Variants in CYB5A observed in about 807,000 individuals in gnomAD.
CYB5A encodes cytochrome b5.
Under a neutral mutation model 16.2 loss-of-function variants are expected in CYB5A, and 10 were observed. The ratio of observed to expected loss-of-function variants is 0.62; its 90% CI spans 0.38 to 1.04. The LOEUF is 1.04. CYB5A is among the 50% of genes least tolerant of loss of function. The pLI is 0.01. For missense variants in CYB5A, 161 were observed against 165.9 expected, an observed-to-expected ratio of 0.97 and a Z score of 0.16; for synonymous variants, 62 against 57.0, an observed-to-expected ratio of 1.09 and a Z score of -0.40.
intron 1 of CYB5A, among the ~76,000 whole-genome samples, chr18:74,272,921 G>A (rs1982726601): frequency 6.6e-6 from 1 of 152,080 alleles, no homozygotes; most frequent in South Asian, 2.1e-4. Flanking sequence ...AGACTCCATT[G>A]CAAAAACAAA....
chr18:74,255,600 A>G, intron 4 of CYB5A, 141 bp downstream of exon 4: 1 of 729,438 alleles, frequency 1.4e-6, no homozygotes, highest in Admixed American at 2.1e-5. Context: ...AGTGCTCTGA[A>G]CAGTCTGGCC....
Position 74,253,581 on chromosome 18 carries a change from T to C in CYB5A, c.*3A>G, listed in dbSNP as rs750477714. 4.4e-6 allele frequency: 7 copies of C among 1,606,504 alleles called. No homozygotes were observed. Among genetic ancestry groups the C allele is most frequent in the Middle Eastern group, 1.7e-4 (1 of 5,936 alleles). ...CTTCCTGCGCTGACTTCTGAGGAGGTGTTCAGTCCTCTGCCATGTATAGGC... is the reference window on the plus strand; with the variant it reads ...CTTCCTGCGCTGACTTCTGAGGAGGCGTTCAGTCCTCTGCCATGTATAGGC... On this transcript the variant is annotated 3_prime_UTR_variant, in exon 5 of 5. Transcript: ENST00000340533.
intron 1 of CYB5A, among the ~76,000 whole-genome samples, chr18:74,275,458 G>A (rs527697873): frequency 3.3e-5 from 5 of 152,138 alleles, no homozygotes; most frequent in African/African-American, 4.8e-5. Flanking sequence ...AGGACAGGCC[G>A]AGAAGGGAGC....
chr18:74,268,282 G>A (rs1041465464), intron 1 of CYB5A, among the ~76,000 whole-genome samples: 1 of 152,182 alleles, frequency 6.6e-6, no homozygotes, highest in African/African-American at 2.4e-5. Context: ...GGTCAGGACG[G>A]GCCCTGCTGA....
chr18:74,254,022 C>G (rs1208222260), intron 4 of CYB5A, among the ~76,000 whole-genome samples: 1 of 152,044 alleles, frequency 6.6e-6, no homozygotes, highest in Non-Finnish European at 1.5e-5. Flanking sequence ...CCAAAAAATA[C>G]AAAAAGTAGC....
At chr18:74,285,597 C>T (rs1190164104) in intron 1 of CYB5A, among the ~76,000 whole-genome samples, 2 of 152,128 alleles carry the variant, frequency 1.3e-5, no homozygotes, top group Admixed American at 6.5e-5. Flanking sequence ...TTTAGAGTGG[C>T]TCATGCCTGT....
chr18:74,260,848 G>A (rs1568215144), intron 3 of CYB5A, 67 bp downstream of exon 3: 2 of 1,359,332 alleles, frequency 1.5e-6, no homozygotes, highest in East Asian at 2.3e-5. Context: ...AAAACCCTCT[G>A]CCTTCAGTTT....
chr18:74,268,546 A>G (rs1982539886), intron 1 of CYB5A, among the ~76,000 whole-genome samples: 1 of 152,304 alleles, frequency 6.6e-6, no homozygotes, highest in Middle Eastern at 3.4e-3. Flanking sequence ...TAATTTTAAA[A>G]TATAACCCAG....
intron 1 of CYB5A, among the ~76,000 whole-genome samples, chr18:74,280,028 ACAGGGAAAAACT>A (rs1983031673): frequency 6.6e-6 from 1 of 152,308 alleles, no homozygotes; most frequent in Non-Finnish European, 1.5e-5. Flanking sequence ...AATACATGCT[ACAGGGAAAAACT>A]CAGCAGCATA....
chr18:74,272,108 TCC>T (rs1236469443), intron 1 of CYB5A, among the ~76,000 whole-genome samples: 9 of 152,228 alleles, frequency 5.9e-5, no homozygotes, highest in African/African-American at 1.2e-4. Flanking sequence ...CTAAGCCCTA[TCC>T]TATGTAACTG....
At chr18:74,279,919 G>A (rs946109630) in intron 1 of CYB5A, among the ~76,000 whole-genome samples, 1 of 152,210 alleles carries the variant, frequency 6.6e-6, no homozygotes, top group Non-Finnish European at 1.5e-5. Context: ...GTGAATAAAA[G>A]AGAAAAAGTC....
intron 3 of CYB5A, chr18:74,260,033 T>C (rs1982137829): frequency 6.6e-6 from 1 of 152,242 alleles, no homozygotes. Context: ...CCTTTATGCT[T>C]ATATTATTGG....
At chr18:74,286,705 G>T (rs57686386) in intron 1 of CYB5A, among the ~76,000 whole-genome samples, 15,182 of 152,162 alleles carry the variant, frequency 0.1, 1,008 homozygotes, top group Admixed American at 0.17. Flanking sequence ...AGCGGGACAG[G>T]GTTGTTCAGA....
At chr18:74,276,725 C>G (rs999695258) in intron 1 of CYB5A, among the ~76,000 whole-genome samples, 2 of 152,130 alleles carry the variant, frequency 1.3e-5, no homozygotes, top group African/African-American at 2.4e-5. Flanking sequence ...GGGGAATGAA[C>G]GCAGGCCGCC....
intron 1 of CYB5A, among the ~76,000 whole-genome samples, chr18:74,277,953 A>C (rs911697482): frequency 2.6e-5 from 4 of 152,248 alleles, no homozygotes; most frequent in Non-Finnish European, 5.9e-5. Context: ...TCACAGCCTG[A>C]ACAAATGCCT....
chr18:74,253,858 C>G (rs941486842), intron 4 of CYB5A, among the ~76,000 whole-genome samples, 193 bp from the exon 5 acceptor site: 1 of 152,242 alleles, frequency 6.6e-6, no homozygotes, highest in Non-Finnish European at 1.5e-5. Flanking sequence ...AGGAATCACT[C>G]TGCCCTGCTG....
chr18:74,256,765 A>G (rs1981999553), intron 3 of CYB5A: 2 of 1,465,150 alleles, frequency 1.4e-6, no homozygotes, highest in African/African-American at 1.4e-5. Context: ...CGTTAGAGAA[A>G]CTCCCGTGAA....
chr18:74,265,054 C>T lies in CYB5A; in HGVS notation c.130-1577G>A, dbSNP rs373999165. Among the ~76,000 whole-genome samples the T allele has an allele frequency of 4.6e-5, 7 of 152,214 alleles. No individual in the cohort carries two copies. In the East Asian group the frequency reaches 1.2e-3, roughly 25 times the overall value. On this transcript the variant is annotated intron_variant, in intron 1 of 4. Coordinates refer to ENST00000340533, the MANE Select transcript of CYB5A (RefSeq NM_148923.4). ...GTCCAACAACTGCACAAAAACCGGT[C>T]TCCCTTGCAGAGTCGACTGTGGTCA... is the stretch of plus-strand genomic sequence containing the variant.
chr18:74,291,157 G>A (rs1438711904), intron 1 of CYB5A: 1 of 185,284 alleles, frequency 5.4e-6, no homozygotes, highest in African/African-American at 2.4e-5. Context: ...CCCCTCCGGC[G>A]GGATCCGCAG....
Sources: gnomAD v4.1 joint callset for allele counts (sites outside exome capture counted in the v4.1 genomes callset) on GRCh38, gnomAD v4.1.1 for gene constraint, MANE v1.5 for transcripts, NCBI Gene and HGNC (gene_info 2026-07-23, HGNC 2026-07-21) for gene names.